GRIN2A: variants seen among roughly 807,000 people sequenced by gnomAD.
GRIN2A encodes the protein glutamate receptor ionotropic, NMDA 2A.
A neutral mutation model predicts 113.4 loss-of-function variants in GRIN2A; 22 were observed. The observed-to-expected ratio is 0.19, with a 90% CI of 0.14 to 0.28. GRIN2A has a LOEUF of 0.28. Ranked by LOEUF, GRIN2A falls within the 10% of genes least tolerant of loss-of-function variation. The pLI is 1.00. For missense variants in GRIN2A, 1,502 were observed against 1,887.0 expected (o/e 0.80, Z 3.78); for synonymous variants, 827 against 738.4 (o/e 1.12, Z -1.94).
Position 9,829,540 on chromosome 16 carries a change from C to A in GRIN2A, c.1890G>T (p.Met630Ile). The change falls in exon 9 of 13, where the codon ATG (methionine) becomes ATT (isoleucine). Residue 630 changes from methionine (M) to isoleucine (I), a missense_variant. By Grantham distance (10) the Met-to-Ile change is conservative (BLOSUM62 1). Coordinates refer to ENST00000330684, the MANE Select transcript of GRIN2A (RefSeq NM_001134407.3). ...QNPKGTTSKI[M>I]VSVWAFFAVI... ...CAGCGAAGAAGGCCCATACAGATAC[C>A]ATGATCTTGCTGGTGGTCCCTTTAG... 6.2e-7 allele frequency: 1 copy of A among 1,613,850 alleles called. No homozygotes were observed. The highest frequency in any genetic ancestry group is 8.5e-7 in the Non-Finnish European group (1 of 1,179,784).
intron 2 of GRIN2A, among the ~76,000 whole-genome samples, chr16:9,983,479 A>T (rs1237263098): frequency 1.4e-5 from 2 of 145,306 alleles, no homozygotes; most frequent in African/African-American, 2.6e-5. Context: ...TCGCTTTGTC[A>T]CCCAGGCTGG....
intron 2 of GRIN2A, among the ~76,000 whole-genome samples, chr16:9,998,008 A>T (rs1394862621): frequency 6.6e-6 from 1 of 152,170 alleles, no homozygotes; most frequent in Non-Finnish European, 1.5e-5. Context: ...TAATACATGT[A>T]CCTACTACAT....
At chr16:9,909,507 G>A (rs1367143575) in intron 3 of GRIN2A, among the ~76,000 whole-genome samples, 2 of 152,186 alleles carry the variant, frequency 1.3e-5, no homozygotes, top group African/African-American at 4.8e-5. Flanking sequence ...TGTGACTGAG[G>A]ATATGAATTT....
chr16:9,817,760 C>T (rs113448346), intron 10 of GRIN2A, among the ~76,000 whole-genome samples: 10 of 152,322 alleles, frequency 6.6e-5, no homozygotes, highest in African/African-American at 2.4e-4. Flanking sequence ...AAAATTACAA[C>T]CCACAATTTC....
At chr16:9,926,928 TAA>T (rs57664314) in intron 3 of GRIN2A, among the ~76,000 whole-genome samples, 3 of 147,750 alleles carry the variant, frequency 2.0e-5, no homozygotes, top group African/African-American at 7.4e-5. Context: ...ACTCTAAGTT[TAA>T]AAAAAAAAAA....
At chr16:10,136,161 G>A (rs1412949158) in intron 2 of GRIN2A, among the ~76,000 whole-genome samples, 2 of 152,078 alleles carry the variant, frequency 1.3e-5, no homozygotes, top group Non-Finnish European at 2.9e-5. Context: ...GGTTCTGAAG[G>A]TTTCCTATTG....
intron 2 of GRIN2A, among the ~76,000 whole-genome samples, chr16:10,125,909 G>A (rs1567317097): frequency 6.6e-6 from 1 of 152,002 alleles, no homozygotes. Flanking sequence ...CAGAGCAGAA[G>A]GAGGTCTGAC....
At chr16:9,787,319 G>A (rs1015520290) in intron 11 of GRIN2A, among the ~76,000 whole-genome samples, 2 of 152,090 alleles carry the variant, frequency 1.3e-5, no homozygotes, top group African/African-American at 4.8e-5. Context: ...TTGATTCCAG[G>A]CATTTCTATA....
At chr16:10,125,163 C>G (rs983061985) in intron 2 of GRIN2A, among the ~76,000 whole-genome samples, 4 of 152,210 alleles carry the variant, frequency 2.6e-5, no homozygotes, top group Non-Finnish European at 4.4e-5. Flanking sequence ...AAATTTCACA[C>G]TGCAGCAATC....
intron 5 of GRIN2A, among the ~76,000 whole-genome samples, chr16:9,848,575 TG>T (rs1489199132): frequency 1.3e-5 from 2 of 149,940 alleles, no homozygotes; most frequent in Admixed American, 6.7e-5. Context: ...TAAAATATGA[TG>T]TTTTACATAT....
chr16:9,894,342 A>G (rs1222611360), intron 3 of GRIN2A, among the ~76,000 whole-genome samples: 1 of 152,130 alleles, frequency 6.6e-6, no homozygotes, highest in African/African-American at 2.4e-5. Context: ...GGAGTGATAT[A>G]CTCAGATTTG....
rs1267714783 is a variant in GRIN2A at position 9,764,628 on chromosome 16, C to T, written c.2916G>A (p.Lys972=). ...GGAATACATAGTTATTGAGGTTATC[C>T]TTCTGCCGGTTGGCCACAAATGTTT... is the stretch of plus-strand genomic sequence containing the variant. ...ELQTFVANRQ[K]DNLNNYVFQG... is the part of the protein sequence containing the mutation. The change falls in exon 13 of 13, where the codon AAG becomes AAA. Residue 972 remains lysine, a synonymous_variant. Transcript: ENST00000330684. 1.2e-6 allele frequency: 2 copies of T among 1,614,032 alleles called. No individual in the cohort carries two copies.
At chr16:9,966,239 T>C (rs2141719549) in intron 2 of GRIN2A, among the ~76,000 whole-genome samples, 1 of 152,260 alleles carries the variant, frequency 6.6e-6, no homozygotes, top group East Asian at 1.9e-4. Flanking sequence ...TAGTGCCTAT[T>C]AGTTACTTTC....
At chr16:9,850,965 G>C (rs1418935850) in intron 4 of GRIN2A, among the ~76,000 whole-genome samples, 1 of 151,996 alleles carries the variant, frequency 6.6e-6, no homozygotes, top group Non-Finnish European at 1.5e-5. Context: ...TGACACCACA[G>C]GTCACCGCTT....
intron 3 of GRIN2A, among the ~76,000 whole-genome samples, chr16:9,927,897 C>G (rs924308363): frequency 3.3e-5 from 5 of 152,276 alleles, no homozygotes; most frequent in Admixed American, 2.6e-4. Flanking sequence ...ACATGGAAAA[C>G]TGGGCAGTGT....
rs535258714 is a variant in GRIN2A at position 10,063,393 on chromosome 16, A to C, written c.414+116605T>G. The stretch of plus-strand genomic sequence containing the variant: ...AAATTATAATTTAAAAATGGGTTAG[A>C]ATCATAGCAAATCACTGTGCATGAG... On this transcript the variant is annotated intron_variant, in intron 2 of 12. Transcript: ENST00000330684. Among the ~76,000 whole-genome samples the C allele has an allele frequency of 3.9e-5, 6 of 152,214 alleles. No homozygotes were observed. The South Asian group carries it at 6.2e-4, about 16-fold the overall frequency.
chr16:10,085,696 T>C (rs1381957703), intron 2 of GRIN2A, among the ~76,000 whole-genome samples: 1 of 152,166 alleles, frequency 6.6e-6, no homozygotes, highest in African/African-American at 2.4e-5. Context: ...TGTTTCTGTT[T>C]AACCCTTAGG....
chr16:9,910,534 G>GTTTTTTTT (rs2044112532), intron 3 of GRIN2A, among the ~76,000 whole-genome samples: 2 of 138,820 alleles, frequency 1.4e-5, no homozygotes, highest in African/African-American at 5.5e-5. Flanking sequence ...AAGTCTCAGA[G>GTTTTTTTT]TTCTTTTTTT....
chr16:9,978,227 A>T (rs2045815120), intron 2 of GRIN2A, among the ~76,000 whole-genome samples: 1 of 152,216 alleles, frequency 6.6e-6, no homozygotes, highest in Admixed American at 6.5e-5. Context: ...CTAGAAAGCA[A>T]GGGCCACTCA....
Sources: allele counts gnomAD v4.1 joint callset (sites outside exome capture counted in the v4.1 genomes callset), GRCh38; gene constraint gnomAD v4.1.1; transcripts MANE v1.5; gene names NCBI Gene and HGNC (gene_info 2026-07-23, HGNC 2026-07-21).